CDC14A: variants seen among roughly 807,000 people sequenced by gnomAD.
CDC14A encodes dual specificity protein phosphatase CDC14A.
Under a neutral mutation model 74.4 loss-of-function variants are expected in CDC14A, and 53 were observed. That is an observed-to-expected ratio of 0.71 (90% CI 0.57 to 0.89). The LOEUF is 0.89. Among genes scored for constraint, CDC14A ranks in the 40% least tolerant of loss-of-function variants. CDC14A has a pLI of 0.00. For synonymous variants in CDC14A, 247 were observed against 258.4 expected (o/e 0.96, Z 0.43); for missense variants, 646 against 713.7 (o/e 0.91, Z 1.08).
At chr1:100,375,681 C>T (rs969118823) in intron 2 of CDC14A, among the ~76,000 whole-genome samples, 1 of 152,146 alleles carries the variant, frequency 6.6e-6, no homozygotes, top group Admixed American at 6.5e-5. Context: ...GAAATAGGAA[C>T]ACTTTTACAC....
intron 3 of CDC14A, among the ~76,000 whole-genome samples, chr1:100,387,646 T>C (rs1657060464): frequency 6.6e-6 from 1 of 152,334 alleles, no homozygotes; most frequent in African/African-American, 2.4e-5. Flanking sequence ...TGAAAGCTTA[T>C]AAAGTTTAAG....
chr1:100,414,871 C>T (rs1003595751), intron 4 of CDC14A, among the ~76,000 whole-genome samples: 13 of 152,120 alleles, frequency 8.5e-5, no homozygotes, highest in African/African-American at 2.9e-4. Flanking sequence ...CCCCCATTAA[C>T]GTGTCCTTTT....
intron 7 of CDC14A, among the ~76,000 whole-genome samples, chr1:100,445,219 C>T (rs1324267190): frequency 6.6e-6 from 1 of 152,156 alleles, no homozygotes. Context: ...AATAGTAAGA[C>T]ACTCCCTAGC....
At chr1:100,484,563 A>C in intron 11 of CDC14A, 112 bp downstream of exon 11, 1 of 1,343,714 alleles carries the variant, frequency 7.4e-7, no homozygotes, top group Non-Finnish European at 9.6e-7. Flanking sequence ...ACGAGTACCA[A>C]GTTTTTAGAA....
At chr1:100,463,342 C>T (rs540542047) in intron 9 of CDC14A, among the ~76,000 whole-genome samples, 2 of 152,116 alleles carry the variant, frequency 1.3e-5, no homozygotes, top group Non-Finnish European at 2.9e-5. Context: ...CTGCTTTTCC[C>T]TCCCCTCCTA....
intron 3 of CDC14A, among the ~76,000 whole-genome samples, chr1:100,387,918 G>A (rs142237618): frequency 2.0e-3 from 299 of 152,118 alleles, no homozygotes; most frequent in African/African-American, 6.9e-3. Context: ...TGAAAGAACA[G>A]CACTATAACT....
At chr1:100,361,879 G>A (rs1388648015) in intron 2 of CDC14A, among the ~76,000 whole-genome samples, 1 of 152,172 alleles carries the variant, frequency 6.6e-6, no homozygotes, top group Non-Finnish European at 1.5e-5. Context: ...GGCTATGGAA[G>A]AATTGGATTA....
intron 8 of CDC14A, among the ~76,000 whole-genome samples, chr1:100,457,300 A>G (rs1243265269): frequency 2.0e-5 from 3 of 152,214 alleles, no homozygotes; most frequent in African/African-American, 4.8e-5. Flanking sequence ...AAGTGGCATC[A>G]TAACATAGTT....
At chr1:100,501,070 C>T (rs187352515) in intron 15 of CDC14A, among the ~76,000 whole-genome samples, 25 of 152,174 alleles carry the variant, frequency 1.6e-4, no homozygotes, top group Admixed American at 3.9e-4. Context: ...ATTGCCAGCC[C>T]ATCTACCCCT....
intron 5 of CDC14A, among the ~76,000 whole-genome samples, chr1:100,430,267 C>G (rs748311198): frequency 2.0e-5 from 3 of 152,072 alleles, no homozygotes; most frequent in Non-Finnish European, 4.4e-5. Flanking sequence ...TTAATGTGAA[C>G]AGGAATATCC....
chr1:100,443,426 C>T (rs1337847783), intron 7 of CDC14A, among the ~76,000 whole-genome samples: 1 of 151,910 alleles, frequency 6.6e-6, no homozygotes, highest in Non-Finnish European at 1.5e-5. Context: ...CCTCTGCCTC[C>T]CCAGGCTCAA....
At chr1:100,505,596 G>A (rs959025205) in intron 15 of CDC14A, among the ~76,000 whole-genome samples, 3 of 152,184 alleles carry the variant, frequency 2.0e-5, no homozygotes, top group African/African-American at 7.2e-5. Flanking sequence ...GCTACTTACT[G>A]ATTGTTTGAA....
intron 15 of CDC14A, among the ~76,000 whole-genome samples, chr1:100,500,019 A>G (rs547167687): frequency 1.2e-4 from 19 of 152,316 alleles, no homozygotes; most frequent in Non-Finnish European, 2.1e-4. Context: ...ACAATCAACA[A>G]TACCTGGTAA....
intron 7 of CDC14A, among the ~76,000 whole-genome samples, chr1:100,455,088 G>A (rs1034055392): frequency 1.3e-5 from 2 of 151,716 alleles, no homozygotes; most frequent in Non-Finnish European, 2.9e-5. Flanking sequence ...CTTATTTATC[G>A]CCAAGACAAG....
chr1:100,413,642 C>T (rs1275392915), intron 4 of CDC14A, among the ~76,000 whole-genome samples: 2 of 152,140 alleles, frequency 1.3e-5, no homozygotes, highest in Non-Finnish European at 2.9e-5. Flanking sequence ...TGGTTCCATC[C>T]CTGGCAAGTT....
chr1:100,414,843 C>T (rs1042660041), intron 4 of CDC14A, among the ~76,000 whole-genome samples: 6 of 152,030 alleles, frequency 3.9e-5, no homozygotes, highest in East Asian at 1.9e-4. Context: ...TATTTTGGGG[C>T]GACACATTTT....
chr1:100,443,046 T>G (rs372814032), intron 7 of CDC14A, 50 bp downstream of exon 7: 2 of 1,263,062 alleles, frequency 1.6e-6, no homozygotes, highest in South Asian at 2.4e-5. Flanking sequence ...GTTGATTAAT[T>G]TTTTCCCCCT....
At chr1:100,487,065 T>C (rs1553195435) in intron 11 of CDC14A, among the ~76,000 whole-genome samples, 1 of 152,186 alleles carries the variant, frequency 6.6e-6, no homozygotes, top group Non-Finnish European at 1.5e-5. Context: ...TGCATGTGGG[T>C]AAAAGTCTAT....
At chr1:100,491,795 C>T (rs950528037) in intron 11 of CDC14A, among the ~76,000 whole-genome samples, 7 of 150,762 alleles carry the variant, frequency 4.6e-5, no homozygotes, top group Non-Finnish European at 2.9e-5. Context: ...TGGTCTTGAA[C>T]TCCTGGCCTC....
Sources: allele counts gnomAD v4.1 joint callset (sites outside exome capture counted in the v4.1 genomes callset), GRCh38; gene constraint gnomAD v4.1.1; transcripts MANE v1.5; gene names NCBI Gene and HGNC (gene_info 2026-07-23, HGNC 2026-07-21).